The following ISY1 variants were observed in gnomAD, a reference collection of about 807,000 sequenced individuals.
ISY1 encodes pre-mRNA-splicing factor ISY1 homolog.
Under a neutral mutation model 54.4 loss-of-function variants are expected in ISY1, and 12 were observed. That is an observed-to-expected ratio of 0.22 (90% confidence interval 0.14 to 0.36). The LOEUF is 0.36. ISY1 is among the 10% of genes least tolerant of loss of function. ISY1 has a pLI of 1.00. For synonymous variants in ISY1, 96 were observed against 117.9 expected, an observed-to-expected ratio of 0.81 and a Z score of 1.20; for missense variants, 282 against 342.2, an observed-to-expected ratio of 0.82 and a Z score of 1.39.
chr3:129,157,132 C>T (rs6793671), intron 3 of ISY1, among the ~76,000 whole-genome samples: 11,455 of 152,162 alleles, frequency 0.075, 1,433 homozygotes, highest in African/African-American at 0.26. Flanking sequence ...TTGGAAAGAA[C>T]TTAACTGTCC....
chr3:129,150,733 A>G (rs1936942823), intron 5 of ISY1, among the ~76,000 whole-genome samples: 1 of 152,122 alleles, frequency 6.6e-6, no homozygotes, highest in Admixed American at 6.6e-5. Flanking sequence ...AATTAAAAAG[A>G]TTTATACCTA....
chr3:129,130,157 A>T lies in ISY1; in HGVS notation c.782T>A (p.Met261Lys), dbSNP rs183715522. Residue 261 changes from methionine to lysine, a missense_variant, in exon 11 of 11, where the codon ATG becomes AAG. Transcript: ENST00000393295. Reference sequence around the variant, plus strand: ...GCTTGCATACTTCTGGAGGAGTTCCATTTTCTTCCTTCGCACCAGTGCCTC... The same window carrying T: ...GCTTGCATACTTCTGGAGGAGTTCCTTTTTCTTCCTTCGCACCAGTGCCTC... Reference protein sequence around the residue: ...IEEALVRRKKMELLQKYASET... With the variant: ...IEEALVRRKKKELLQKYASET... The T allele has an allele frequency of 5.6e-6, 9 of 1,611,760 alleles. No individual in the cohort carries two copies. The Admixed American group carries it at 1.0e-4, about 18-fold the overall frequency.
At chr3:129,136,299 A>G (rs1212825136) in intron 7 of ISY1, among the ~76,000 whole-genome samples, 1 of 151,692 alleles carries the variant, frequency 6.6e-6, no homozygotes, top group Non-Finnish European at 1.5e-5. Flanking sequence ...ATGGGGTTTC[A>G]CCATGTTGGC....
intron 5 of ISY1, among the ~76,000 whole-genome samples, chr3:129,151,439 G>A (rs919919240): frequency 6.6e-6 from 1 of 151,646 alleles, no homozygotes; most frequent in African/African-American, 2.4e-5. Flanking sequence ...GACCAGGCTG[G>A]CCAACATGGC....
intron 9 of ISY1, among the ~76,000 whole-genome samples, chr3:129,132,364 T>C (rs1936261179): frequency 6.6e-6 from 1 of 152,178 alleles, no homozygotes; most frequent in South Asian, 2.1e-4. Flanking sequence ...AAAATTCTGC[T>C]GTGGGTTTCC....
chr3:129,135,344 A>G (rs1936359419), intron 7 of ISY1, among the ~76,000 whole-genome samples: 1 of 152,066 alleles, frequency 6.6e-6, no homozygotes, highest in Non-Finnish European at 1.5e-5. Context: ...ACTCCATCAC[A>G]CAGAAAAAGA....
Position 129,131,591 on chromosome 3 carries a change from G to A in ISY1, c.664-955C>T, listed in dbSNP as rs529926452. Among the ~76,000 whole-genome samples the A allele has an allele frequency of 2.0e-5, 3 of 152,284 alleles. No homozygotes were observed. In the South Asian group the frequency reaches 6.2e-4, roughly 32 times the overall value. ...GAAAATCCAGTGACCTACACATTTA[G>A]CAGGTGTGTACTTTTCTGTATATGG... On this transcript the variant is annotated intron_variant, in intron 9 of 10. Transcript: ENST00000393295.
At chr3:129,135,605 A>G (rs1309936397) in intron 7 of ISY1, among the ~76,000 whole-genome samples, 2 of 151,748 alleles carry the variant, frequency 1.3e-5, no homozygotes, top group East Asian at 3.9e-4. Flanking sequence ...CTCTACTAAA[A>G]ATACAAAAAT....
intron 5 of ISY1, among the ~76,000 whole-genome samples, chr3:129,152,140 CAA>C (rs1349010216): frequency 6.6e-6 from 1 of 151,516 alleles, no homozygotes; most frequent in Non-Finnish European, 1.5e-5. Context: ...GCATGGGTGA[CAA>C]GAGCAAAACT....
intron 2 of ISY1, 29 bp from the exon 3 acceptor site, chr3:129,158,588 C>A: frequency 3.1e-6 from 5 of 1,613,716 alleles, no homozygotes; most frequent in Non-Finnish European, 4.2e-6. Context: ...ATAAAAGACT[C>A]CATTAGATCC....
At chr3:129,144,069 T>G (rs1444435250) in intron 6 of ISY1, 2 of 343,708 alleles carry the variant, frequency 5.8e-6, no homozygotes, top group Admixed American at 6.5e-5. Context: ...TTTTCATACC[T>G]GAGACCACTT....
At chr3:129,141,760 AT>A (rs1319929828) in intron 6 of ISY1, among the ~76,000 whole-genome samples, 1 of 151,644 alleles carries the variant, frequency 6.6e-6, no homozygotes, top group Non-Finnish European at 1.5e-5. Flanking sequence ...TCTCAAAAAA[AT>A]AAAATAAAAT....
intron 7 of ISY1, among the ~76,000 whole-genome samples, chr3:129,137,781 G>A (rs564844549): frequency 2.7e-5 from 4 of 150,036 alleles, no homozygotes; most frequent in East Asian, 2.0e-4. Context: ...GCGTGGTGGC[G>A]GTCACCTATA....
At chr3:129,144,799 T>A (rs1001341709) in intron 6 of ISY1, among the ~76,000 whole-genome samples, 1 of 152,158 alleles carries the variant, frequency 6.6e-6, no homozygotes. Flanking sequence ...ATTGCATTTA[T>A]AGAAGTCCAA....
chr3:129,145,732 A>G, intron 6 of ISY1, 29 bp downstream of exon 6: 1 of 1,602,678 alleles, frequency 6.2e-7, no homozygotes, highest in Middle Eastern at 1.8e-4. Context: ...ACTAGACAAG[A>G]CCCGCCACTG....
At position 129,150,794 on chromosome 3, in the gene ISY1, T is replaced by C. The variant is rs112728362; in HGVS notation, c.188-4921A>G. Among the ~76,000 whole-genome samples the C allele has an allele frequency of 3.6e-3, 538 of 151,508 alleles. 1 individual carries two copies. The highest frequency in any genetic ancestry group is 0.012 in the African/African-American group (507 of 41,080). On this transcript the variant is annotated intron_variant, in intron 5 of 10. Transcript: ENST00000393295. ...TTGTAAATAGCACTTTAAAAAAATG[T>C]TGTATTTCCAGCTGTTCAATGTTAG...
At chr3:129,157,749 C>G (rs1937187969) in intron 3 of ISY1, among the ~76,000 whole-genome samples, 1 of 151,082 alleles carries the variant, frequency 6.6e-6, no homozygotes, top group Non-Finnish European at 1.5e-5. Flanking sequence ...GGGCCGGGCC[C>G]AGTCATCATA....
In ISY1 at chr3:129,129,200, A is replaced by T. The variant is rs1019955777; in HGVS notation, c.*881T>A. On this transcript the variant is annotated 3_prime_UTR_variant, in exon 11 of 11. Transcript: ENST00000393295. The stretch of plus-strand genomic sequence containing the variant: ...CATGGAGGTTTCCCTTTCTTATAAA[A>T]ATCTTTAATAAAAATAGGTTTCTGC... 5 of 152,258 alleles carry T rather than the reference A, an allele frequency of 3.3e-5. No individual in the cohort carries two copies. Among genetic ancestry groups the T allele is most frequent in the Non-Finnish European group, 5.9e-5 (4 of 68,022 alleles). 9.4% of individuals were successfully genotyped at this position (152,258 alleles called of 1,614,324 possible).
chr3:129,147,034 G>A (rs1489095628), intron 5 of ISY1, among the ~76,000 whole-genome samples: 1 of 151,840 alleles, frequency 6.6e-6, no homozygotes, highest in African/African-American at 2.4e-5. Flanking sequence ...ACTCCAGCCT[G>A]GGTGACAGAG....
Sources: allele counts gnomAD v4.1 joint callset (sites outside exome capture counted in the v4.1 genomes callset), GRCh38; gene constraint gnomAD v4.1.1; transcripts MANE v1.5; gene names NCBI Gene and HGNC (gene_info 2026-07-23, HGNC 2026-07-21).